Variants in CPAMD8 observed in about 807,000 individuals in gnomAD.
CPAMD8 encodes C3 and PZP-like alpha-2-macroglobulin domain-containing protein 8.
Under a neutral mutation model 224.7 loss-of-function variants are expected in CPAMD8, and 146 were observed. The observed-to-expected ratio is 0.65, with a 90% CI of 0.57 to 0.75. CPAMD8 has a LOEUF of 0.75. Among genes scored for constraint, CPAMD8 ranks in the 30% least tolerant of loss-of-function variants. CPAMD8 has a pLI of 0.00. For missense variants in CPAMD8, 2,301 were observed against 2,537.5 expected (o/e 0.91, Z 2.00); for synonymous variants, 966 against 1,044.6 (o/e 0.92, Z 1.45).
chr19:16,964,946 T>A (rs1221708044), intron 18 of CPAMD8, among the ~76,000 whole-genome samples: 1 of 151,992 alleles, frequency 6.6e-6, no homozygotes, highest in Non-Finnish European at 1.5e-5. Flanking sequence ...AAAAACCACA[T>A]GATCATCTCA....
At chr19:16,984,787 A>G (rs1168796477) in intron 13 of CPAMD8, among the ~76,000 whole-genome samples, 1 of 152,146 alleles carries the variant, frequency 6.6e-6, no homozygotes, top group Non-Finnish European at 1.5e-5. Flanking sequence ...GGCAGAGAGG[A>G]TCACTTGAGG....
At chr19:16,897,531 G>A in intron 39 of CPAMD8, 160 bp downstream of exon 39, 1 of 561,950 alleles carries the variant, frequency 1.8e-6, no homozygotes, top group South Asian at 2.2e-5. Context: ...CGCCTCCCCC[G>A]TACAGGCAGA....
rs1042762533 is a variant in CPAMD8, at chr19:16,977,409, C to T, written c.1717G>A (p.Asp573Asn). ...GTCTCGACTGCAAACTGAAGGCTGT[C>T]GGCGACCCCTTCTCCATTCTCCCTG... ...YVRENGEGVA[D>N]SLQFAVETFF... The change falls in exon 15 of 42, where the codon GAC (aspartate) becomes AAC (asparagine). Residue 573 changes from aspartate to asparagine, a missense_variant. Around this residue, in one of 4 missense-constraint regions of CPAMD8, gnomAD observed 301 missense variants for 406.6 expected, o/e 0.74. Transcript: ENST00000443236. 2.5e-6 allele frequency: 4 copies of T among 1,612,648 alleles called. No individual in the cohort carries two copies. The highest frequency in any genetic ancestry group is 1.1e-5 in the South Asian group (1 of 91,020).
At chr19:17,019,374 C>T (rs930163978) in intron 3 of CPAMD8, among the ~76,000 whole-genome samples, 5 of 152,106 alleles carry the variant, frequency 3.3e-5, no homozygotes, top group African/African-American at 4.8e-5. Flanking sequence ...CCACCCTCCT[C>T]GGCCTCCCAG....
Position 16,911,391 on chromosome 19 carries a change from T to C in CPAMD8, c.3861+3033A>G, listed in dbSNP as rs910484594. 4.0e-5 allele frequency among the ~76,000 whole-genome samples: 6 copies of C among 151,814 alleles called. 1 individual carries two copies. The East Asian group carries it at 7.7e-4, about 20-fold the overall frequency. On this transcript the variant is annotated intron_variant, in intron 29 of 41. Coordinates refer to ENST00000443236, the MANE Select transcript of CPAMD8 (RefSeq NM_015692.5). Reference sequence around the variant, plus strand: ...CTTTTTTTTTTTTTGAGACAGAGTCTGGCTTGGTTGCCCAGGCTGGAGTGC... The same window carrying C: ...CTTTTTTTTTTTTTGAGACAGAGTCCGGCTTGGTTGCCCAGGCTGGAGTGC...
At chr19:17,021,978 C>G (rs977521251) in intron 2 of CPAMD8, 52 bp downstream of exon 2, 1 of 1,452,676 alleles carries the variant, frequency 6.9e-7, no homozygotes, top group Non-Finnish European at 9.2e-7. Flanking sequence ...CAGCAAGTGG[C>G]TCCACTTTGC....
rs750770092 is a variant in CPAMD8 at position 16,975,159 on chromosome 19, G to A, written c.2008C>T (p.Arg670Trp). The part of the protein sequence containing the change: ...WWAGLTAQRR[R>W]RSSVFPWPWG... Reference sequence around the variant, plus strand: ...GGCCACGGGAAGACAGAGGAGCGCCGGCGTCGTTGTGCCGTCAGCCCAGCC... The same window carrying A: ...GGCCACGGGAAGACAGAGGAGCGCCAGCGTCGTTGTGCCGTCAGCCCAGCC... The change falls in exon 17 of 42, where the codon CGG becomes TGG. Residue 670 changes from arginine to tryptophan, a missense_variant. Physicochemically the swap from Arg to Trp is moderately radical, Grantham distance 101. Around this residue, in one of 4 missense-constraint regions of CPAMD8, gnomAD observed 1,709 missense variants for 1,753.2 expected, o/e 0.97. Coordinates refer to ENST00000443236, the MANE Select transcript of CPAMD8 (RefSeq NM_015692.5). 10 of 1,612,586 alleles carry A rather than the reference G, an allele frequency of 6.2e-6. No individual in the cohort carries two copies. Among genetic ancestry groups the A allele is most frequent in the East Asian group, 4.5e-5 (2 of 44,856 alleles).
rs1424740434 is a variant in CPAMD8 at position 16,957,887 on chromosome 19, G to A, written c.2242C>T (p.Pro748Ser). 1.9e-6 allele frequency: 3 copies of A among 1,613,878 alleles called. No homozygotes were observed. The highest frequency in any genetic ancestry group is 2.2e-5 in the South Asian group (2 of 91,064). ...AGACAATGCCAAATCCATGTTTCGGGGAAGAAAGTCCTTTTTCTCTTCTCT... is the reference window on the plus strand; with the variant it reads ...AGACAATGCCAAATCCATGTTTCGGAGAAGAAAGTCCTTTTTCTCTTCTCT... ...RTEKRKRTFFPETWIWHCLNI... is the reference protein window; with the variant it reads ...RTEKRKRTFFSETWIWHCLNI... Residue 748 changes from proline (P) to serine (S), a missense_variant, in exon 19 of 42, where the codon CCC becomes TCC. By Grantham distance (74) the Pro-to-Ser change is moderately conservative (BLOSUM62 -1). Around this residue, in one of 4 missense-constraint regions of CPAMD8, gnomAD observed 1,709 missense variants for 1,753.2 expected, o/e 0.97. Transcript: ENST00000443236.
chr19:17,020,608 T>G (rs1427858293), intron 2 of CPAMD8, among the ~76,000 whole-genome samples: 1 of 152,080 alleles, frequency 6.6e-6, no homozygotes, highest in African/African-American at 2.4e-5. Flanking sequence ...CTGGCCTGCC[T>G]AAGTACTTGA....
intron 26 of CPAMD8, among the ~76,000 whole-genome samples, chr19:16,924,796 G>A (rs1167351845): frequency 6.6e-6 from 1 of 151,986 alleles, no homozygotes; most frequent in Non-Finnish European, 1.5e-5. Flanking sequence ...TGTTGCCCAG[G>A]CTTGTCTCAA....
chr19:16,915,827 G>T (rs1255941226), intron 27 of CPAMD8, among the ~76,000 whole-genome samples: 3 of 150,730 alleles, frequency 2.0e-5, no homozygotes, highest in Non-Finnish European at 3.0e-5. Flanking sequence ...CCGCCTGCCT[G>T]CCTTCCTTCC....
Position 16,929,069 on chromosome 19 carries a change from T to C in CPAMD8, c.3017A>G (p.Gln1006Arg), listed in dbSNP as rs756690773. 1.2e-6 allele frequency: 2 copies of C among 1,614,038 alleles called. No individual in the cohort carries two copies. Among genetic ancestry groups the C allele is most frequent in the East Asian group, 2.2e-5 (1 of 44,888 alleles). Residue 1006 changes from glutamine (Q) to arginine (R), a missense_variant, in exon 24 of 42, where the codon CAG (glutamine) becomes CGG (arginine). This residue lies in a region of CPAMD8 where 1,709 missense variants were observed against 1,753.2 expected (regional missense o/e 0.97). Transcript: ENST00000443236. ...GGTGGAGATCCATGACCTGGTGTTC[T>C]GATGCCCCCCCAGGACGATCTCGAT... ...GMIEIVLGGH[Q>R]NTRSWISTSK...
intron 30 of CPAMD8, among the ~76,000 whole-genome samples, chr19:16,906,378 C>CTT (rs61570620): frequency 1.4e-5 from 1 of 71,586 alleles, no homozygotes; most frequent in Non-Finnish European, 3.0e-5. Flanking sequence ...TTCTTTCTTT[C>CTT]TTTCTTTCTT....
rs2056571343 is a variant in CPAMD8, at chr19:17,008,944, A to C, written c.504+359T>G. 1.3e-5 allele frequency among the ~76,000 whole-genome samples: 2 copies of C among 151,960 alleles called. 1 individual carries two copies. Among genetic ancestry groups the C allele is most frequent in the South Asian group, 4.2e-4 (2 of 4,798 alleles). On this transcript the variant is annotated intron_variant, in intron 6 of 41. Transcript: ENST00000443236. ...TTTCCACTAAAAAAGATACAAAAAA[A>C]AATTAGCTGGGTGTGGTGCCATACG...
chr19:16,983,076 C>T (rs1599843933), intron 13 of CPAMD8, among the ~76,000 whole-genome samples: 1 of 152,176 alleles, frequency 6.6e-6, no homozygotes, highest in African/African-American at 2.4e-5. Context: ...ATTGTAAGGC[C>T]TCCCCAGCCA....
At chr19:16,941,704 GTGGCTCACGCC>G (rs1455089558) in intron 22 of CPAMD8, among the ~76,000 whole-genome samples, 1 of 152,200 alleles carries the variant, frequency 6.6e-6, no homozygotes, top group Non-Finnish European at 1.5e-5. Flanking sequence ...GCTGGGCACG[GTGGCTCACGCC>G]TGTAATCCCA....
rs537653789 is a variant in CPAMD8 at position 16,966,444 on chromosome 19, C to T, written c.2213+4447G>A. Among the ~76,000 whole-genome samples the T allele has an allele frequency of 2.4e-4, 37 of 152,102 alleles. 1 individual carries two copies. The South Asian group carries it at 6.9e-3, about 28-fold the overall frequency. On this transcript the variant is annotated intron_variant, in intron 18 of 41. Coordinates refer to ENST00000443236, the MANE Select transcript of CPAMD8 (RefSeq NM_015692.5). The stretch of plus-strand genomic sequence containing the variant: ...GACATAGGCATGGGCAAAGACTTCA[C>T]GACTAAAACACCAAAAGCAATGGCA...
At chr19:16,931,116 T>C (rs2053532933) in intron 23 of CPAMD8, among the ~76,000 whole-genome samples, 1 of 152,136 alleles carries the variant, frequency 6.6e-6, no homozygotes, top group Non-Finnish European at 1.5e-5. Context: ...CTGCTGTCAC[T>C]GGAAGCAACT....
In CPAMD8 at chr19:16,904,346, C is replaced by T. The variant is rs764729677; in HGVS notation, c.4131G>A (p.Val1377=). ...TCAGAAGGGCGTAGGCTGTCATTTCCACCTCGGCCGAGACCACTGCAATGG... is the reference window on the plus strand; with the variant it reads ...TCAGAAGGGCGTAGGCTGTCATTTCTACCTCGGCCGAGACCACTGCAATGG... ...RVSQSVVSAE[V]EMTAYALLTY... The change falls in exon 32 of 42, where the codon GTG becomes GTA. Residue 1377 remains valine, a synonymous_variant. Coordinates refer to ENST00000443236, the MANE Select transcript of CPAMD8 (RefSeq NM_015692.5). 7 of 1,613,760 alleles carry T rather than the reference C, an allele frequency of 4.3e-6. No homozygotes were observed. Among genetic ancestry groups the T allele is most frequent in the South Asian group, 1.1e-5 (1 of 91,080 alleles).
Sources: gnomAD v4.1 joint callset for allele counts (sites outside exome capture counted in the v4.1 genomes callset) on GRCh38, gnomAD v4.1.1 for gene constraint, gnomAD v4.1.1 regional missense constraint, MANE v1.5 for transcripts, NCBI Gene and HGNC (gene_info 2026-07-23, HGNC 2026-07-21) for gene names.